LACTBL1: variants seen among roughly 807,000 people sequenced by gnomAD.
LACTBL1 encodes lactamase beta like 1, also known as beta-lactamase-like protein 1.
Under a neutral mutation model 39.6 loss-of-function variants are expected in LACTBL1, and 29 were observed. The ratio of observed to expected loss-of-function variants is 0.73; its 90% CI spans 0.55 to 1.00. The LOEUF is 1.00. Ranked by LOEUF, LACTBL1 falls within the 50% of genes least tolerant of loss-of-function variation. The probability of loss-of-function intolerance (pLI) is 0.00; values close to 1 mark genes in which losing one functional copy is unlikely to be tolerated. For synonymous variants in LACTBL1, 361 were observed against 360.7 expected (o/e 1.00, Z -0.01); for missense variants, 711 against 748.5 (o/e 0.95, Z 0.59).
chr1:22,953,913 C>T, exon 6 of LACTBL1: 3 of 1,550,326 alleles, frequency 1.9e-6, no homozygotes, highest in Non-Finnish European at 2.6e-6. Flanking sequence ...TGTCTGCCAT[C>T]CCCAGCGGCT....
At chr1:22,965,375 C>A (rs1216645793), upstream of LACTBL1, 3 of 1,265,528 alleles carry the variant, frequency 2.4e-6, no homozygotes, top group South Asian at 9.6e-5. Flanking sequence ...TGCAGATGGC[C>A]GGGAGGAGCC....
chr1:22,960,175 G>A (rs545472216), intron 2 of LACTBL1, 76 bp from the exon 5 acceptor site: 66 of 1,506,004 alleles, frequency 4.4e-5, no homozygotes, highest in Admixed American at 1.2e-4. Flanking sequence ...AGCCACCCTC[G>A]TCCATAGTCA....
chr1:22,953,122 G>T lies in LACTBL1; in HGVS notation c.1562C>A (p.Ser521Ter). 2.4e-6 allele frequency: 3 copies of T among 1,232,232 alleles called. No homozygotes were observed. The highest frequency in any genetic ancestry group is 3.0e-6 in the Non-Finnish European group (3 of 987,996). The allele number at this position is 1,232,232 out of a possible 1,614,324, so 76.3% of individuals were successfully genotyped here. A position where few individuals can be genotyped will look rare whatever the true frequency, so the allele number is the denominator to read the frequency against. Residue 521 changes from serine (S) to a stop codon, truncating the protein, a stop_gained, in exon 6 of 6, where the codon TCA (serine) becomes TAA (stop). Coordinates refer to ENST00000426928, the Ensembl canonical transcript of LACTBL1. LOFTEE classifies it high-confidence loss of function. Reference sequence around the variant, plus strand: ...GAGGCCGGGCACGTCGAAGCCGGGTGACAGCCCGTGGTGATCCAAGGGGTA... The same window carrying T: ...GAGGCCGGGCACGTCGAAGCCGGGTTACAGCCCGTGGTGATCCAAGGGGTA...
chr1:22,963,445 G>T (rs1640847062), intron 1 of LACTBL1, among the ~76,000 whole-genome samples: 1 of 152,174 alleles, frequency 6.6e-6, no homozygotes, highest in Admixed American at 6.5e-5. Context: ...CTGGTTGGTG[G>T]TCACTGTACT....
chr1:22,971,640 G>T, the LACTBL1 span, among the ~76,000 whole-genome samples: 2 of 152,190 alleles, frequency 1.3e-5, no homozygotes, highest in African/African-American at 2.4e-5. Context: ...CCGAGGGCTT[G>T]CTGTGCTCTG....
upstream of LACTBL1, among the ~76,000 whole-genome samples, chr1:22,969,751 G>A (rs950182058): frequency 6.6e-6 from 1 of 151,986 alleles, no homozygotes; most frequent in African/African-American, 2.4e-5. Context: ...ACACCCATAG[G>A]CATCTGTGAA....
upstream of LACTBL1, among the ~76,000 whole-genome samples, chr1:22,966,856 G>A (rs1640885152): frequency 6.6e-6 from 1 of 152,030 alleles, no homozygotes; most frequent in Non-Finnish European, 1.5e-5. Flanking sequence ...GTCTGCCTGG[G>A]CCCCTCTATC....
At chr1:22,960,005 T>C in exon 3 of LACTBL1, 1 of 1,551,086 alleles carries the variant, frequency 6.4e-7, no homozygotes. Flanking sequence ...CTTCCCAAAG[T>C]TCCCTGTCCA....
chr1:22,960,240 C>T, intron 2 of LACTBL1, 141 bp from the exon 5 acceptor site: 1 of 941,786 alleles, frequency 1.1e-6, no homozygotes, highest in Non-Finnish European at 1.6e-6. Context: ...TGGGCTGGGG[C>T]CCCCACTGTT....
chr1:22,965,972 C>T (rs112738093), upstream of LACTBL1, among the ~76,000 whole-genome samples: 8 of 152,114 alleles, frequency 5.3e-5, no homozygotes, highest in African/African-American at 1.9e-4. Flanking sequence ...CTGCTAATGG[C>T]TATGAGTTTT....
intron 2 of LACTBL1, among the ~76,000 whole-genome samples, chr1:22,961,516 A>G (rs1166949420): frequency 1.3e-5 from 2 of 152,010 alleles, no homozygotes; most frequent in South Asian, 2.1e-4. Context: ...GTCATATGCC[A>G]CCACGTGTGG....
intron 2 of LACTBL1, among the ~76,000 whole-genome samples, chr1:22,960,703 C>T (rs1350159588): frequency 6.6e-6 from 1 of 151,344 alleles, no homozygotes; most frequent in Non-Finnish European, 1.5e-5. Context: ...ATAGGCCTAG[C>T]CTGAACCCCT....
chr1:22,959,874 C>T, intron 3 of LACTBL1, 68 bp downstream of exon 5: 1 of 1,516,308 alleles, frequency 6.6e-7, no homozygotes, highest in South Asian at 1.2e-5. Flanking sequence ...AGTATCCTTA[C>T]CTCCTAGGTC....
At chr1:22,960,411 T>A (rs1640808867) in intron 2 of LACTBL1, among the ~76,000 whole-genome samples, 1 of 151,196 alleles carries the variant, frequency 6.6e-6, no homozygotes, top group African/African-American at 2.4e-5. Context: ...AGGTCAGGAG[T>A]TCAAGGCCAG....
chr1:22,971,972 G>A, the LACTBL1 span, among the ~76,000 whole-genome samples: 1 of 152,262 alleles, frequency 6.6e-6, no homozygotes, highest in South Asian at 2.1e-4. Context: ...GGGAGGAGGA[G>A]GAGAGAGTCA....
chr1:22,965,473 A>C, upstream of LACTBL1: 1 of 1,223,098 alleles, frequency 8.2e-7, no homozygotes, highest in Non-Finnish European at 1.0e-6. Flanking sequence ...GGTCAGTCAG[A>C]GGGAAGAGAG....
At chr1:22,957,028 G>C (rs1467477451) in intron 4 of LACTBL1, among the ~76,000 whole-genome samples, 6 of 151,412 alleles carry the variant, frequency 4.0e-5, no homozygotes, top group Admixed American at 3.3e-4. Context: ...CTACATACTT[G>C]TGTTATATAA....
intron 1 of LACTBL1, among the ~76,000 whole-genome samples, chr1:22,964,842 A>G (rs182574362): frequency 1.1e-3 from 161 of 152,322 alleles, no homozygotes; most frequent in Middle Eastern, 6.8e-3. Flanking sequence ...TGACCCGTTC[A>G]GGAAGGAGAG....
At chr1:22,958,378 C>G (rs1455459615) in intron 4 of LACTBL1, among the ~76,000 whole-genome samples, 2 of 152,230 alleles carry the variant, frequency 1.3e-5, no homozygotes, top group Non-Finnish European at 2.9e-5. Flanking sequence ...AGCCACTGAG[C>G]CTGGCCACAT....
Sources: gnomAD v4.1 joint callset for allele counts (sites outside exome capture counted in the v4.1 genomes callset) on GRCh38, gnomAD v4.1.1 for gene constraint, MANE v1.5 for transcripts, NCBI Gene and HGNC (gene_info 2026-07-23, HGNC 2026-07-21) for gene names.